PTPRD: variants seen among roughly 807,000 people sequenced by gnomAD.
PTPRD encodes protein tyrosine phosphatase receptor type D.
In PTPRD, 34 loss-of-function variants were observed where a neutral mutation model predicts 214.5. The ratio of observed to expected loss-of-function variants is 0.16; its 90% confidence interval spans 0.12 to 0.21. The LOEUF is 0.21. PTPRD is among the 10% of genes least tolerant of loss of function. The pLI is 1.00. For synonymous variants in PTPRD, 1,128 were observed against 845.7 expected (o/e 1.33, Z -5.79); for missense variants, 2,545 against 2,398.7 (o/e 1.06, Z -1.27).
chr9:9,969,678 A>C (rs2094955984), intron 4 of PTPRD, among the ~76,000 whole-genome samples: 1 of 152,214 alleles, frequency 6.6e-6, no homozygotes, highest in Admixed American at 6.5e-5. Context: ...TGCCGCTTCT[A>C]CTGCCCCTGG....
At chr9:10,323,316 C>T (rs114138576) in intron 3 of PTPRD, among the ~76,000 whole-genome samples, 2,329 of 129,214 alleles carry the variant, frequency 0.018, 98 homozygotes, top group African/African-American at 0.065. Context: ...TTCCCTTCCT[C>T]TTTTTCAGAT....
At chr9:10,497,122 G>C (rs1354013989) in intron 2 of PTPRD, among the ~76,000 whole-genome samples, 2 of 151,756 alleles carry the variant, frequency 1.3e-5, no homozygotes, top group African/African-American at 2.4e-5. Flanking sequence ...ATAAACTTGG[G>C]AACAACAGAT....
intron 11 of PTPRD, among the ~76,000 whole-genome samples, chr9:8,829,505 A>G (rs902902103): frequency 4.1e-5 from 5 of 121,594 alleles, no homozygotes; most frequent in Admixed American, 8.0e-5. Flanking sequence ...TGCATTTAAA[A>G]CGTGACTTTT....
intron 10 of PTPRD, among the ~76,000 whole-genome samples, chr9:9,047,884 T>TCC (rs2099676092): frequency 6.6e-6 from 1 of 151,996 alleles, no homozygotes; most frequent in Admixed American, 6.6e-5. Flanking sequence ...ACAAATTGGA[T>TCC]CACCTCAGGT....
intron 11 of PTPRD, among the ~76,000 whole-genome samples, chr9:8,823,562 G>C: frequency 6.6e-6 from 1 of 152,040 alleles, no homozygotes; most frequent in East Asian, 1.9e-4. Context: ...AAGGCGGGAA[G>C]ATCACCTGGG....
At chr9:9,640,033 G>A (rs1024583524) in intron 7 of PTPRD, among the ~76,000 whole-genome samples, 20 of 152,270 alleles carry the variant, frequency 1.3e-4, no homozygotes, top group Admixed American at 1.2e-3. Context: ...CCAATAATTT[G>A]TTTCCTCTTT....
intron 8 of PTPRD, among the ~76,000 whole-genome samples, chr9:9,550,893 T>TTAACTAAA (rs1470723801): frequency 1.3e-5 from 2 of 151,910 alleles, no homozygotes; most frequent in African/African-American, 4.8e-5. Flanking sequence ...CACAAGAACA[T>TTAACTAAA]ATCACTACAC....
intron 4 of PTPRD, among the ~76,000 whole-genome samples, chr9:9,991,264 G>C (rs1017648953): frequency 2.6e-5 from 4 of 151,490 alleles, no homozygotes; most frequent in Admixed American, 1.3e-4. Context: ...CTTGGGGATT[G>C]GAAAAATTTC....
At chr9:9,399,427 G>A (rs1237429159) in intron 8 of PTPRD, among the ~76,000 whole-genome samples, 1 of 151,960 alleles carries the variant, frequency 6.6e-6, no homozygotes, top group African/African-American at 2.4e-5. Context: ...AAGTATTTGT[G>A]ATTTAAAGAC....
At chr9:8,354,462 C>T (rs2076468255) in intron 39 of PTPRD, among the ~76,000 whole-genome samples, 1 of 152,194 alleles carries the variant, frequency 6.6e-6, no homozygotes, top group Non-Finnish European at 1.5e-5. Context: ...TTATAAATGG[C>T]TATCCACATA....
intron 11 of PTPRD, among the ~76,000 whole-genome samples, chr9:8,774,613 C>A (rs182892885): frequency 6.7e-6 from 1 of 149,402 alleles, no homozygotes. Flanking sequence ...CGGCCCACTG[C>A]AACCTCCGCC....
intron 3 of PTPRD, among the ~76,000 whole-genome samples, chr9:10,195,741 G>A (rs1322839782): frequency 6.6e-6 from 1 of 152,172 alleles, no homozygotes; most frequent in African/African-American, 2.4e-5. Flanking sequence ...AAGAAGCCAT[G>A]GGGAAGGGTG....
At chr9:8,408,685 C>G (rs1194155808) in intron 35 of PTPRD, among the ~76,000 whole-genome samples, 1 of 152,110 alleles carries the variant, frequency 6.6e-6, no homozygotes, top group Non-Finnish European at 1.5e-5. Flanking sequence ...ATTGGATGAA[C>G]CCCATATAGC....
intron 3 of PTPRD, among the ~76,000 whole-genome samples, chr9:10,340,384 C>T (rs185722089): frequency 6.6e-6 from 1 of 151,952 alleles, no homozygotes; most frequent in East Asian, 1.9e-4. Flanking sequence ...TCTCTTAGCA[C>T]CTTGAACTAT....
chr9:10,597,109 A>G (rs900867879), intron 2 of PTPRD, among the ~76,000 whole-genome samples: 1 of 151,366 alleles, frequency 6.6e-6, no homozygotes, highest in Admixed American at 6.6e-5. Flanking sequence ...TCACATATAT[A>G]TATTTCACAT....
intron 3 of PTPRD, among the ~76,000 whole-genome samples, chr9:10,075,632 G>A (rs1342443737): frequency 2.0e-5 from 3 of 151,666 alleles, no homozygotes; most frequent in African/African-American, 7.3e-5. Flanking sequence ...GTATATATTT[G>A]CTCAATGAAT....
chr9:9,116,791 T>C (rs959441882), intron 10 of PTPRD, among the ~76,000 whole-genome samples: 1 of 152,140 alleles, frequency 6.6e-6, no homozygotes, highest in African/African-American at 2.4e-5. Flanking sequence ...GATCAAGTTC[T>C]TCAATTATTA....
At chr9:9,302,642 G>C (rs1955836496) in intron 9 of PTPRD, among the ~76,000 whole-genome samples, 1 of 61,706 alleles carries the variant, frequency 1.6e-5, no homozygotes, top group Non-Finnish European at 3.1e-5. Context: ...TCTGTCCTTT[G>C]CCTTAAACAT....
intron 11 of PTPRD, among the ~76,000 whole-genome samples, chr9:8,972,975 C>T (rs1183283050): frequency 1.3e-5 from 2 of 149,436 alleles, no homozygotes; most frequent in African/African-American, 4.9e-5. Context: ...CTTTCATTTG[C>T]AGGCATATTA....
Sources: allele counts gnomAD v4.1 joint callset (sites outside exome capture counted in the v4.1 genomes callset), GRCh38; gene constraint gnomAD v4.1.1; transcripts MANE v1.5; gene names NCBI Gene and HGNC (gene_info 2026-07-23, HGNC 2026-07-21).